CELF2: variants seen among roughly 807,000 people sequenced by gnomAD.
CELF2 encodes the protein CUGBP Elav-like family member 2.
A neutral mutation model predicts 62.6 loss-of-function variants in CELF2; 8 were observed. The observed-to-expected ratio is 0.13, with a 90% CI of 0.07 to 0.23. CELF2 has a LOEUF of 0.23. Among genes scored for constraint, CELF2 ranks in the 10% least tolerant of loss-of-function variants. CELF2 has a pLI of 1.00. For missense variants in CELF2, 333 were observed against 671.0 expected (o/e 0.50, Z 5.56); for synonymous variants, 258 against 250.0 (o/e 1.03, Z -0.30).
the CELF2 span, among the ~76,000 whole-genome samples, chr10:10,728,167 C>T: frequency 3.5e-4 from 53 of 150,744 alleles, no homozygotes; most frequent in South Asian, 4.2e-4. Flanking sequence ...TGACCAGTCG[C>T]GGTGGCTCAT....
the CELF2 span, among the ~76,000 whole-genome samples, chr10:10,534,840 T>A: frequency 1.3e-5 from 2 of 152,218 alleles, no homozygotes; most frequent in Non-Finnish European, 2.9e-5. Flanking sequence ...CTTTCCCTAG[T>A]AGGATTAGGC....
the CELF2 span, among the ~76,000 whole-genome samples, chr10:10,728,139 G>T: frequency 2.6e-5 from 4 of 151,498 alleles, no homozygotes; most frequent in African/African-American, 9.7e-5. Flanking sequence ...GATAAGTATG[G>T]AGTAGAGAAA....
the CELF2 span, among the ~76,000 whole-genome samples, chr10:10,594,225 G>C: frequency 6.6e-6 from 1 of 152,176 alleles, no homozygotes; most frequent in Non-Finnish European, 1.5e-5. Flanking sequence ...AAGAGAAATC[G>C]CCAGATTTTC....
chr10:11,020,781 C>T (rs1028241999), intron 1 of CELF2, among the ~76,000 whole-genome samples: 1 of 152,172 alleles, frequency 6.6e-6, no homozygotes, highest in Non-Finnish European at 1.5e-5. Context: ...AATTATTACG[C>T]TTGATAGCCC....
chr10:10,797,640 AC>A (rs1161225838), upstream of CELF2, among the ~76,000 whole-genome samples: 2 of 152,170 alleles, frequency 1.3e-5, no homozygotes, highest in Non-Finnish European at 2.9e-5. Flanking sequence ...AGAAATCTTG[AC>A]GGGCTGGCCA....
intron 1 of CELF2, among the ~76,000 whole-genome samples, chr10:10,828,488 G>T (rs1208347396): frequency 5.9e-5 from 9 of 152,168 alleles, no homozygotes; most frequent in Non-Finnish European, 1.3e-4. Context: ...AGAAAGTCGA[G>T]TGGTGGCGGT....
Position 11,008,248 on chromosome 10 carries a change from A to G in CELF2, c.53+2808A>G, listed in dbSNP as rs1458406500. 6.6e-6 allele frequency among the ~76,000 whole-genome samples: 1 copy of G among 152,236 alleles called. No homozygotes were observed. Among genetic ancestry groups the G allele is most frequent in the African/African-American group, 2.4e-5 (1 of 41,476 alleles). On this transcript the variant is annotated intron_variant, in intron 1 of 12. Coordinates refer to the CELF2 transcript ENST00000416382. This position sits in a 1 kb window ranked among gnomAD's most constrained non-coding sequence, Gnocchi z 4.5. ...AGAAAAATGAATAGCAAAAGATTCA[A>G]ACTGGGAAAATGACTTCTTTCCACA...
intron 1 of CELF2, among the ~76,000 whole-genome samples, chr10:11,092,703 A>G (rs2048661250): frequency 6.6e-6 from 1 of 152,188 alleles, no homozygotes; most frequent in Admixed American, 6.5e-5. Context: ...CTGGGTATAG[A>G]CAAGGCCAGA....
At chr10:10,958,514 C>A (rs992600907) in intron 2 of CELF2, among the ~76,000 whole-genome samples, 1 of 152,094 alleles carries the variant, frequency 6.6e-6, no homozygotes, top group Non-Finnish European at 1.5e-5. Flanking sequence ...GCTGCTCTGC[C>A]CTCATTTGGA....
intron 1 of CELF2, among the ~76,000 whole-genome samples, chr10:10,862,274 G>A (rs151145670): frequency 1.8e-3 from 269 of 152,252 alleles, no homozygotes; most frequent in African/African-American, 6.3e-3. Context: ...CAATAAGAAC[G>A]TGGCTGGGCA....
chr10:10,747,680 A>G, the CELF2 span, among the ~76,000 whole-genome samples: 3 of 152,122 alleles, frequency 2.0e-5, no homozygotes, highest in Admixed American at 2.0e-4. Context: ...GCACCTCATA[A>G]GCCATGCTAA....
chr10:10,867,280 C>T (rs1034898694), intron 1 of CELF2, among the ~76,000 whole-genome samples: 6 of 152,210 alleles, frequency 3.9e-5, no homozygotes, highest in African/African-American at 1.4e-4. Flanking sequence ...TCCAGCACAC[C>T]ATTGAGTGTG....
At chr10:10,743,416 G>T in the CELF2 span, among the ~76,000 whole-genome samples, 1 of 152,212 alleles carries the variant, frequency 6.6e-6, no homozygotes, top group African/African-American at 2.4e-5. Flanking sequence ...GCTAGATCAA[G>T]TATTGCCCTT....
At position 11,262,940 on chromosome 10, in the gene CELF2, C is replaced by CT. The variant is rs553831640; in HGVS notation, c.539-3631dup. Among the ~76,000 whole-genome samples the CT allele has an allele frequency of 3.5e-3, 186 of 52,752 alleles. 42 individuals carry two copies. The highest frequency in any genetic ancestry group is 0.011 in the East Asian group (11 of 1,036). 34.6% of individuals were successfully genotyped at this position (52,752 alleles called of 152,430 possible). On this transcript the variant is annotated intron_variant, in intron 5 of 12. Coordinates refer to ENST00000633077, the MANE Select transcript of CELF2 (RefSeq NM_001326342.2). ...GTTCATGCTTTTAAAAGTGGCTTTA[C>CT]TTTTTTTTTTTTTTTTTTTTTTTTT...
intron 2 of CELF2, among the ~76,000 whole-genome samples, chr10:11,197,943 G>C (rs542653201): frequency 6.6e-6 from 1 of 152,322 alleles, no homozygotes; most frequent in Non-Finnish European, 1.5e-5. Flanking sequence ...TTGCAAGATA[G>C]TGTATTTTTC....
In CELF2 at chr10:11,211,027, G is replaced by A. The variant is rs1216427440; in HGVS notation, c.272-6398G>A. Among the ~76,000 whole-genome samples, 2 of 152,098 alleles carry A rather than the reference G, an allele frequency of 1.3e-5. No homozygotes were observed. The highest frequency in any genetic ancestry group is 2.4e-5 in the African/African-American group (1 of 41,422). Reference sequence around the variant, plus strand: ...TGCTCAGTGGCTCATGCCTGTAATCGTAGCACTTTGGGAGGCCAAGGCAGG... The same window carrying A: ...TGCTCAGTGGCTCATGCCTGTAATCATAGCACTTTGGGAGGCCAAGGCAGG... On this transcript the variant is annotated intron_variant, in intron 2 of 12. Transcript: ENST00000633077. This position sits in a 1 kb window ranked among gnomAD's most constrained non-coding sequence, Gnocchi z 4.8.
the CELF2 span, among the ~76,000 whole-genome samples, chr10:10,637,330 C>G: frequency 1.3e-5 from 2 of 152,102 alleles, no homozygotes; most frequent in African/African-American, 2.4e-5. Context: ...TATCTAGTAA[C>G]AAGATTAGAA....
chr10:11,013,195 C>T (rs1027971618), upstream of CELF2, among the ~76,000 whole-genome samples: 12 of 152,116 alleles, frequency 7.9e-5, no homozygotes, highest in African/African-American at 2.2e-4. The surrounding 1 kb of genome is among the most constrained non-coding windows in gnomAD (Gnocchi z 4.1). Context: ...TCCTCAGACA[C>T]GCAGCTGGAG....
chr10:10,590,163 A>G, the CELF2 span, among the ~76,000 whole-genome samples: 28 of 151,188 alleles, frequency 1.9e-4, no homozygotes, highest in Middle Eastern at 0.01. Flanking sequence ...ATGTGCATGC[A>G]CACACACACA....
Sources: gnomAD v4.1 joint callset for allele counts (sites outside exome capture counted in the v4.1 genomes callset) on GRCh38, gnomAD v4.1.1 for gene constraint, Gnocchi (gnomAD v3.1) non-coding constraint, MANE v1.5 for transcripts, NCBI Gene and HGNC (gene_info 2026-07-23, HGNC 2026-07-21) for gene names.